The following LCORL variants were observed in gnomAD, a reference collection of about 807,000 sequenced individuals.
LCORL encodes ligand-dependent nuclear receptor corepressor-like protein.
In LCORL, 41 loss-of-function variants were observed where a neutral mutation model predicts 141.8. That is an observed-to-expected ratio of 0.29 (90% CI 0.23 to 0.38). The LOEUF (loss-of-function observed/expected upper bound fraction) is 0.38. Ranked by LOEUF, LCORL falls within the 10% of genes least tolerant of loss-of-function variation. The probability of loss-of-function intolerance (pLI) is 1.00; values close to 1 mark genes in which losing one functional copy is unlikely to be tolerated. For synonymous variants in LCORL, 618 were observed against 694.1 expected (o/e 0.89, Z 1.72); for missense variants, 1,759 against 2,035.0 (o/e 0.86, Z 2.61).
At chr4:17,960,415 A>C (rs1012576180) in intron 4 of LCORL, 2 of 154,324 alleles carry the variant, frequency 1.3e-5, no homozygotes, top group African/African-American at 4.8e-5. Context: ...TGATAATTCT[A>C]GTTATTACCA....
chr4:17,960,853 T>C (rs1713634045), intron 4 of LCORL, among the ~76,000 whole-genome samples: 2 of 152,112 alleles, frequency 1.3e-5, no homozygotes, highest in African/African-American at 4.8e-5. Context: ...GAAAAGATTT[T>C]CAGTCTCTTG....
intron 7 of LCORL, among the ~76,000 whole-genome samples, chr4:17,854,058 G>C (rs759629967): frequency 6.6e-6 from 1 of 152,118 alleles, no homozygotes; most frequent in Non-Finnish European, 1.5e-5. Flanking sequence ...AATCCCAGCA[G>C]AGCAGGGAGA....
intron 1 of LCORL, among the ~76,000 whole-genome samples, chr4:17,995,146 T>C (rs1327092904): frequency 2.0e-5 from 3 of 152,112 alleles, no homozygotes; most frequent in African/African-American, 7.2e-5. Flanking sequence ...TTGTCTGGCT[T>C]TGTTTAGTGC....
Position 17,842,325 on chromosome 4 carries a change from C to T in LCORL, c.*3563G>A, listed in dbSNP as rs143700657. 2.0e-4 allele frequency: 329 copies of T among 1,611,984 alleles called. 1 individual carries two copies. In the African/African-American group the frequency reaches 3.9e-3, roughly 19 times the overall value. The stretch of plus-strand genomic sequence containing the variant: ...TATCTTCAAGGACAGAGAAAAGTGA[C>T]AGTTTCAGCTAGGACGAACAGGAGG... On this transcript the variant is annotated 3_prime_UTR_variant, in exon 8 of 8. Transcript: ENST00000635767.
At chr4:17,937,716 C>T (rs1393439729) in intron 4 of LCORL, among the ~76,000 whole-genome samples, 1 of 152,154 alleles carries the variant, frequency 6.6e-6, no homozygotes, top group African/African-American at 2.4e-5. Context: ...TACAGTTAAG[C>T]CATATAAAAA....
At chr4:17,966,057 A>G (rs1227868367) in intron 2 of LCORL, among the ~76,000 whole-genome samples, 2 of 152,094 alleles carry the variant, frequency 1.3e-5, no homozygotes, top group Admixed American at 6.6e-5. Flanking sequence ...TACAACTAAA[A>G]ACTGATTTTT....
chr4:17,991,769 T>C (rs1397946036), intron 1 of LCORL, among the ~76,000 whole-genome samples: 3 of 152,094 alleles, frequency 2.0e-5, no homozygotes, highest in South Asian at 2.1e-4. Flanking sequence ...AGACCAGCCC[T>C]GGACAAAAAT....
chr4:17,882,298 C>T (rs1486622903), intron 6 of LCORL: 1 of 984,422 alleles, frequency 1.0e-6, no homozygotes, highest in East Asian at 1.1e-4. Context: ...TGATCAGAAC[C>T]TGAATTTTAA....
At chr4:17,941,475 T>C (rs867331702) in intron 4 of LCORL, among the ~76,000 whole-genome samples, 4 of 151,880 alleles carry the variant, frequency 2.6e-5, no homozygotes, top group Middle Eastern at 3.2e-3. Context: ...AAAAAAATCA[T>C]TGATAACCAC....
intron 4 of LCORL, among the ~76,000 whole-genome samples, chr4:17,952,139 G>A (rs1009873231): frequency 1.8e-4 from 27 of 152,098 alleles, no homozygotes; most frequent in African/African-American, 6.5e-4. Context: ...AGCACATACA[G>A]ATTGCTATAT....
intron 1 of LCORL, among the ~76,000 whole-genome samples, chr4:18,000,790 A>C: frequency 6.6e-6 from 1 of 152,200 alleles, no homozygotes; most frequent in East Asian, 1.9e-4. Flanking sequence ...CTGGATGGGG[A>C]TATGAAGAGA....
chr4:17,862,481 C>T (rs1398440608), intron 7 of LCORL, among the ~76,000 whole-genome samples: 1 of 152,152 alleles, frequency 6.6e-6, no homozygotes, highest in East Asian at 1.9e-4. Flanking sequence ...CAAACCATAT[C>T]AGCTACAGTA....
exon 7 of LCORL, chr4:17,874,884 T>C: frequency 4.1e-6 from 5 of 1,233,832 alleles, no homozygotes; most frequent in Non-Finnish European, 4.0e-6. Flanking sequence ...CTTCTGACTT[T>C]TATTTTTCTG....
chr4:17,951,009 G>A (rs1739638819), intron 4 of LCORL, among the ~76,000 whole-genome samples: 1 of 152,102 alleles, frequency 6.6e-6, no homozygotes, highest in South Asian at 2.1e-4. Flanking sequence ...TTCAGTTGAT[G>A]GTTCAGAGCT....
chr4:17,880,512 G>A (rs1387954511), intron 6 of LCORL: 2 of 952,252 alleles, frequency 2.1e-6, no homozygotes, highest in Admixed American at 6.2e-5. Context: ...GAAACTTGTT[G>A]GAATATTTCT....
intron 4 of LCORL, among the ~76,000 whole-genome samples, chr4:17,917,227 C>G (rs1485111879): frequency 6.7e-6 from 1 of 150,184 alleles, no homozygotes; most frequent in Non-Finnish European, 1.5e-5. Context: ...TGAGAAGGAG[C>G]CTCGTTCTGT....
intron 4 of LCORL, among the ~76,000 whole-genome samples, chr4:17,958,970 A>G (rs929060572): frequency 1.3e-5 from 2 of 152,068 alleles, no homozygotes; most frequent in African/African-American, 4.8e-5. Flanking sequence ...AAAATTAGTT[A>G]AAGTTCACCT....
At chr4:17,983,143 T>C (rs933772509) in intron 1 of LCORL, among the ~76,000 whole-genome samples, 7 of 152,228 alleles carry the variant, frequency 4.6e-5, no homozygotes, top group Admixed American at 4.6e-4. Context: ...TCTGTATCAG[T>C]ACCATGTTGT....
chr4:18,011,015 T>C (rs1358658787), intron 1 of LCORL, among the ~76,000 whole-genome samples: 1 of 152,114 alleles, frequency 6.6e-6, no homozygotes, highest in Non-Finnish European at 1.5e-5. Flanking sequence ...CTCAGTTCTA[T>C]TCCTCTTGCC....
Sources: allele counts gnomAD v4.1 joint callset (sites outside exome capture counted in the v4.1 genomes callset), GRCh38; gene constraint gnomAD v4.1.1; transcripts MANE v1.5; gene names NCBI Gene and HGNC (gene_info 2026-07-23, HGNC 2026-07-21).